ANK2: variants seen among roughly 807,000 people sequenced by gnomAD.
The protein encoded by ANK2 is ankyrin-2.
ANK2 carries 83 observed loss-of-function variants against 360.5 expected under a neutral mutation model. The observed-to-expected ratio is 0.23, with a 90% confidence interval of 0.19 to 0.28. The LOEUF (loss-of-function observed/expected upper bound fraction) is 0.28, where lower values mean the gene tolerates loss of function less well. Among genes scored for constraint, ANK2 ranks in the 10% least tolerant of loss-of-function variants. The pLI is 1.00. For missense variants in ANK2, 4,201 were observed against 4,795.7 expected (o/e 0.88, Z 3.66); for synonymous variants, 1,740 against 1,759.5 (o/e 0.99, Z 0.28).
intron 24 of ANK2, among the ~76,000 whole-genome samples, chr4:113,312,885 G>A (rs933877197): frequency 1.3e-5 from 2 of 152,226 alleles, no homozygotes; most frequent in Non-Finnish European, 2.9e-5. Flanking sequence ...CAGCCACTCT[G>A]AGAAGCAATT....
chr4:113,180,653 G>A (rs770294844), intron 2 of ANK2, among the ~76,000 whole-genome samples: 33 of 152,054 alleles, frequency 2.2e-4, no homozygotes, highest in Non-Finnish European at 4.3e-4. Flanking sequence ...GGGTTCATCT[G>A]GTTTAGACTT....
chr4:112,945,574 C>T lies in ANK2; in HGVS notation c.21+41060C>T, dbSNP rs529245288. 1.8e-4 allele frequency among the ~76,000 whole-genome samples: 28 copies of T among 152,122 alleles called. No individual in the cohort carries two copies. In the South Asian group the frequency reaches 2.3e-3, roughly 12 times the overall value. Reference sequence around the variant, plus strand: ...TCAGTTGGAGGAACCTTGACAAAACCGAAAAGAGTCTATTAATTCCACATA... The same window carrying T: ...TCAGTTGGAGGAACCTTGACAAAACTGAAAAGAGTCTATTAATTCCACATA... On this transcript the variant is annotated intron_variant, in intron 2 of 30. Transcript: ENST00000503271.
intron 2 of ANK2, among the ~76,000 whole-genome samples, chr4:113,005,634 A>G (rs1327924862): frequency 2.0e-5 from 3 of 152,182 alleles, no homozygotes; most frequent in Non-Finnish European, 2.9e-5. Flanking sequence ...GGGTACAAAC[A>G]TACAGTTAGA....
chr4:113,145,827 G>C, intron 1 of ANK2: 1 of 1,287,560 alleles, frequency 7.8e-7, no homozygotes, highest in South Asian at 1.2e-5. Flanking sequence ...GAGTGCAGAG[G>C]GCAAGGACGG....
chr4:112,811,184 G>A, the ANK2 span, among the ~76,000 whole-genome samples: 3 of 150,444 alleles, frequency 2.0e-5, no homozygotes. Flanking sequence ...TAATCCACCT[G>A]CCTCGGCCTC....
At chr4:112,826,508 C>T in intron 1 of ANK2, 7 of 1,215,330 alleles carry the variant, frequency 5.8e-6, no homozygotes, top group Non-Finnish European at 8.5e-6. Flanking sequence ...CCACATCTGA[C>T]AAGCCTGTTA....
At chr4:113,029,392 A>G (rs977488850) in intron 2 of ANK2, among the ~76,000 whole-genome samples, 2 of 151,702 alleles carry the variant, frequency 1.3e-5, no homozygotes, top group Non-Finnish European at 2.9e-5. Flanking sequence ...ACACAACTTC[A>G]CCCAGCTAAT....
chr4:113,290,943 A>T (rs1563472186), intron 20 of ANK2, among the ~76,000 whole-genome samples: 1 of 152,194 alleles, frequency 6.6e-6, no homozygotes, highest in Non-Finnish European at 1.5e-5. Context: ...AAATATCCTC[A>T]CTGGGGATTT....
chr4:113,185,104 A>G (rs1034584126), intron 2 of ANK2, among the ~76,000 whole-genome samples: 2 of 152,122 alleles, frequency 1.3e-5, no homozygotes, highest in Non-Finnish European at 2.9e-5. Flanking sequence ...CCCGTCTATC[A>G]TTGATAGGCA....
the ANK2 span, among the ~76,000 whole-genome samples, chr4:112,755,058 T>C: frequency 6.6e-6 from 1 of 152,244 alleles, no homozygotes. Flanking sequence ...TAAAGTCTGA[T>C]AGTGGACCAC....
At chr4:113,075,416 A>G (rs982230062) in intron 1 of ANK2, among the ~76,000 whole-genome samples, 1 of 152,198 alleles carries the variant, frequency 6.6e-6, no homozygotes, top group African/African-American at 2.4e-5. Context: ...TAAAAAGATA[A>G]CATCTTTTCA....
the ANK2 span, chr4:112,797,347 T>TG: frequency 2.6e-5 from 4 of 152,480 alleles, no homozygotes; most frequent in African/African-American, 9.6e-5. Flanking sequence ...AGGACATTTC[T>TG]GGTCCTGTGA....
In ANK2 at chr4:113,358,941, A is replaced by T. The variant is rs748719105; in HGVS notation, c.10323A>T (p.Arg3441=). 2 of 1,613,888 alleles carry T rather than the reference A, an allele frequency of 1.2e-6. No individual in the cohort carries two copies. Among genetic ancestry groups the T allele is most frequent in the Non-Finnish European group, 1.7e-6 (2 of 1,179,896 alleles). The part of the protein sequence containing the change: ...GATRPKILTS[R]LPVKSRSTTS... The stretch of plus-strand genomic sequence containing the variant: ...CAAGACCAAAGATACTTACATCCCG[A>T]TTGCCAGTTAAGAGCAGAAGCACTA... The change falls in exon 38 of 46, where the codon CGA becomes CGT. Residue 3441 remains arginine, a synonymous_variant. Coordinates refer to ENST00000357077, the MANE Select transcript of ANK2 (RefSeq NM_001148.6).
In ANK2 at chr4:113,359,175, G is replaced by A; in HGVS notation, c.10557G>A (p.Leu3519=). The A allele has an allele frequency of 1.2e-6, 2 of 1,613,296 alleles. No individual in the cohort carries two copies. The highest frequency in any genetic ancestry group is 1.7e-6 in the Non-Finnish European group (2 of 1,179,346). Residue 3519 remains leucine (L), a synonymous_variant, in exon 38 of 46, where the codon CTG becomes CTA. Transcript: ENST00000357077. Reference sequence around the variant, plus strand: ...TGGAAGTATCAGTAATTGAAAATCTGCCACCTGTTGAGACCGAGCACTCAG... The same window carrying A: ...TGGAAGTATCAGTAATTGAAAATCTACCACCTGTTGAGACCGAGCACTCAG... ...SALEVSVIEN[L]PPVETEHSVP... is the part of the protein sequence containing the mutation.
chr4:113,232,902 C>T (rs1207130649), intron 5 of ANK2, among the ~76,000 whole-genome samples: 1 of 151,750 alleles, frequency 6.6e-6, no homozygotes, highest in Non-Finnish European at 1.5e-5. Flanking sequence ...TTGTATTTTC[C>T]CTCTCATTTT....
At chr4:113,211,138 A>G (rs2099016543) in intron 4 of ANK2, among the ~76,000 whole-genome samples, 1 of 152,192 alleles carries the variant, frequency 6.6e-6, no homozygotes, top group Admixed American at 6.5e-5. Context: ...ATTCAACTGT[A>G]TCAAGATAGT....
chr4:113,131,219 C>G (rs2096010018), intron 1 of ANK2, among the ~76,000 whole-genome samples: 3 of 152,154 alleles, frequency 2.0e-5, no homozygotes, highest in African/African-American at 7.2e-5. Context: ...GCTGGCAATC[C>G]TCTCTCATAA....
intron 2 of ANK2, among the ~76,000 whole-genome samples, chr4:112,962,853 G>A (rs1272811305): frequency 6.6e-6 from 1 of 152,094 alleles, no homozygotes; most frequent in Non-Finnish European, 1.5e-5. Flanking sequence ...TTAAATTTTG[G>A]TATGGAGCCA....
chr4:113,325,342 TA>T (rs2089211149), intron 26 of ANK2, among the ~76,000 whole-genome samples: 1 of 152,224 alleles, frequency 6.6e-6, no homozygotes, highest in Non-Finnish European at 1.5e-5. Flanking sequence ...AAGGTTTAAG[TA>T]GGTTTCCTAA....
Sources: gnomAD v4.1 joint callset for allele counts (sites outside exome capture counted in the v4.1 genomes callset) on GRCh38, gnomAD v4.1.1 for gene constraint, MANE v1.5 for transcripts, NCBI Gene and HGNC (gene_info 2026-07-23, HGNC 2026-07-21) for gene names.